DOP1A: variants seen among roughly 807,000 people sequenced by gnomAD.
DOP1A encodes the protein protein DOP1A.
In DOP1A, 90 loss-of-function variants were observed where a neutral mutation model predicts 267.6. The observed-to-expected ratio is 0.34, with a 90% CI of 0.28 to 0.40. DOP1A has a LOEUF of 0.40. Among genes scored for constraint, DOP1A ranks in the 10% least tolerant of loss-of-function variants. DOP1A has a pLI of 1.00. For synonymous variants in DOP1A, 932 were observed against 999.1 expected, an observed-to-expected ratio of 0.93 and a Z score of 1.27; for missense variants, 2,437 against 2,900.4, an observed-to-expected ratio of 0.84 and a Z score of 3.67.
intron 25 of DOP1A, among the ~76,000 whole-genome samples, chr6:83,146,593 T>C (rs1780688126): frequency 6.6e-6 from 1 of 152,168 alleles, no homozygotes; most frequent in Admixed American, 6.5e-5. Context: ...TGTCCCCTTA[T>C]TAAGTTCTGA....
chr6:83,091,306 A>G (rs554631116), intron 1 of DOP1A, among the ~76,000 whole-genome samples: 28 of 152,310 alleles, frequency 1.8e-4, no homozygotes, highest in Admixed American at 3.9e-4. Context: ...ATCTTTTCAC[A>G]TGAAAAGTAA....
rs1392338481 is a variant in DOP1A, at chr6:83,168,128, G to A, written c.7359G>A (p.Met2453Ile). Reference sequence around the variant, plus strand: ...AAGCCAGGCAAAAAATAGAAGAGATGGTAGAAAAAGATTTTCTGGAAGGGA... The same window carrying A: ...AAGCCAGGCAAAAAATAGAAGAGATAGTAGAAAAAGATTTTCTGGAAGGGA... The part of the protein sequence containing the change: ...SSKARQKIEE[M>I]VEKDFLEGMI... The change falls in exon 39 of 39, where the codon ATG becomes ATA. Residue 2453 changes from methionine (M) to isoleucine (I), a missense_variant. By Grantham distance (10) the Met-to-Ile change is conservative (BLOSUM62 1). Coordinates refer to ENST00000349129, the MANE Select transcript of DOP1A (RefSeq NM_015018.4). 6.2e-7 allele frequency: 1 copy of A among 1,612,912 alleles called. No homozygotes were observed. The highest frequency in any genetic ancestry group is 8.5e-7 in the Non-Finnish European group (1 of 1,179,652).
chr6:83,108,072 A>G (rs1773938894), intron 4 of DOP1A, among the ~76,000 whole-genome samples: 1 of 152,260 alleles, frequency 6.6e-6, no homozygotes, highest in Admixed American at 6.5e-5. Flanking sequence ...AGCTGCTTCT[A>G]GGTAGCTATC....
At chr6:83,114,007 G>A (rs1485740075) in intron 7 of DOP1A, among the ~76,000 whole-genome samples, 1 of 152,052 alleles carries the variant, frequency 6.6e-6, no homozygotes, top group Non-Finnish European at 1.5e-5. Context: ...CAGTATATAG[G>A]CATTCAGAAT....
Position 83,137,782 on chromosome 6 carries a change from C to T in DOP1A, c.3740C>T (p.Thr1247Ile). Reference protein sequence around the residue: ...SSPCISGTTHTLHDSSVASIE... With the variant: ...SSPCISGTTHILHDSSVASIE... ...CCTTGTATTTCAGGAACCACACACA[C>T]TCTTCATGACTCTTCTGTTGCTTCC... The change falls in exon 21 of 39, where the codon ACT becomes ATT. Residue 1247 changes from threonine (T) to isoleucine (I), a missense_variant. This residue lies in a region of DOP1A where 878 missense variants were observed against 992.9 expected (regional missense o/e 0.88). Transcript: ENST00000349129. 6.2e-7 allele frequency: 1 copy of T among 1,613,850 alleles called. No homozygotes were observed. The highest frequency in any genetic ancestry group is 8.5e-7 in the Non-Finnish European group (1 of 1,179,860).
chr6:83,167,882 CT>C lies in DOP1A; in HGVS notation c.7114del (p.Ser2372GlnfsTer63). 1 of 1,610,950 alleles carries C rather than the reference CT, an allele frequency of 6.2e-7. No homozygotes were observed. Among genetic ancestry groups the C allele is most frequent in the Non-Finnish European group, 8.5e-7 (1 of 1,177,902 alleles). On this transcript the variant is annotated frameshift_variant, in exon 39 of 39. Transcript: ENST00000349129. LOFTEE classifies it high-confidence loss of function. ...TGCAGAAAAATCCAGAGGAAGACAA[CT>C]CAGGGAGAACATTGGGTTGGGAGCC... ...RAKKNPEEDN[S>X]GRTLGWEPGH...
At chr6:83,110,811 A>G (rs747647181) in intron 6 of DOP1A, among the ~76,000 whole-genome samples, 1 of 152,188 alleles carries the variant, frequency 6.6e-6, no homozygotes, top group Non-Finnish European at 1.5e-5. Flanking sequence ...CTTTTTCTGC[A>G]TATGATTATG....
chr6:83,070,492 T>C (rs191238804), intron 1 of DOP1A, among the ~76,000 whole-genome samples: 1 of 152,298 alleles, frequency 6.6e-6, no homozygotes, highest in Non-Finnish European at 1.5e-5. Flanking sequence ...AGTGTACATT[T>C]CAATAAGTTT....
Position 83,122,026 on chromosome 6 carries a change from G to T in DOP1A, c.1196G>T (p.Ser399Ile), listed in dbSNP as rs775057852. The change falls in exon 11 of 39, where the codon AGC becomes ATC. Residue 399 changes from serine (S) to isoleucine (I), a missense_variant. Physicochemically the swap from Ser to Ile is moderately radical, Grantham distance 142 (BLOSUM62 -2). Around this residue, in one of 9 missense-constraint regions of DOP1A, gnomAD observed 498 missense variants for 513.5 expected, o/e 0.97. Transcript: ENST00000349129. ...GATCTTCAAACTGAACCACCCTTCA[G>T]CAAGGATCATGCTCAGTTAAGCAGG... ...ELDLQTEPPF[S>I]KDHAQLSSKL... 1.2e-6 allele frequency: 2 copies of T among 1,611,310 alleles called. No homozygotes were observed. Among genetic ancestry groups the T allele is most frequent in the South Asian group, 1.1e-5 (1 of 90,932 alleles).
intron 12 of DOP1A, among the ~76,000 whole-genome samples, chr6:83,123,847 G>GT (rs1776722921): frequency 6.6e-6 from 1 of 152,008 alleles, no homozygotes; most frequent in Non-Finnish European, 1.5e-5. Flanking sequence ...CCTACCCTGG[G>GT]TTTTTACCTT....
intron 34 of DOP1A, among the ~76,000 whole-genome samples, chr6:83,156,818 A>G (rs1782902655): frequency 6.6e-6 from 1 of 152,102 alleles, no homozygotes; most frequent in Admixed American, 6.5e-5. Context: ...AATGTACACT[A>G]TTTGTCCCTA....
chr6:83,069,232 C>G (rs1785207432), intron 1 of DOP1A, among the ~76,000 whole-genome samples: 1 of 152,120 alleles, frequency 6.6e-6, no homozygotes, highest in African/African-American at 2.4e-5. Context: ...ATGTTTCCCC[C>G]AGAACAGTGT....
chr6:83,087,321 T>C (rs1769452909), intron 1 of DOP1A, among the ~76,000 whole-genome samples: 1 of 152,208 alleles, frequency 6.6e-6, no homozygotes, highest in East Asian at 1.9e-4. Context: ...GTTAGGATAG[T>C]GTTGAGTACC....
At chr6:83,074,983 G>A (rs536796773) in intron 1 of DOP1A, among the ~76,000 whole-genome samples, 29 of 152,244 alleles carry the variant, frequency 1.9e-4, no homozygotes, top group African/African-American at 6.3e-4. Context: ...TCCTTTTCCT[G>A]GGCCCTCATC....
chr6:83,099,054 TGAGAA>T (rs1196030822), intron 3 of DOP1A, among the ~76,000 whole-genome samples: 2 of 151,764 alleles, frequency 1.3e-5, no homozygotes, highest in East Asian at 1.9e-4. Flanking sequence ...AAAAAGGAGA[TGAGAA>T]GAGGGCAGGA....
intron 15 of DOP1A, 49 bp downstream of exon 15, chr6:83,125,782 AG>A: frequency 6.8e-7 from 1 of 1,464,206 alleles, no homozygotes; most frequent in South Asian, 1.2e-5. Context: ...ATTTCTTCAA[AG>A]CAGAACAGTT....
intron 7 of DOP1A, 132 bp from the exon 8 acceptor site, chr6:83,118,756 T>G: frequency 1.8e-6 from 1 of 559,180 alleles, no homozygotes; most frequent in Non-Finnish European, 2.9e-6. Flanking sequence ...TAATATCCTG[T>G]GTTTGAAATA....
Position 83,137,695 on chromosome 6 carries a change from CTG to C in DOP1A, c.3657_3658del (p.Ser1220CysfsTer6). The C allele has an allele frequency of 6.2e-7, 1 of 1,613,540 alleles. No individual in the cohort carries two copies. Among genetic ancestry groups the C allele is most frequent in the Non-Finnish European group, 8.5e-7 (1 of 1,179,754 alleles). On this transcript the variant is annotated frameshift_variant, in exon 21 of 39. Transcript: ENST00000349129. LOFTEE classifies it high-confidence loss of function. ...AGTAATGAAAGTTCTCAGTTTCTGTCTGTGTCTGCAGAGGGAGGCCATGAGTG... is the reference window on the plus strand; with the variant it reads ...AGTAATGAAAGTTCTCAGTTTCTGTCTGTCTGCAGAGGGAGGCCATGAGTG...
intron 35 of DOP1A, among the ~76,000 whole-genome samples, chr6:83,158,281 G>A (rs1783315153): frequency 6.6e-6 from 1 of 152,080 alleles, no homozygotes; most frequent in Non-Finnish European, 1.5e-5. Context: ...GATTACAGGT[G>A]TGAGCCACCA....
Sources: allele counts gnomAD v4.1 joint callset (sites outside exome capture counted in the v4.1 genomes callset), GRCh38; gene constraint gnomAD v4.1.1; regional missense constraint gnomAD v4.1.1; transcripts MANE v1.5; gene names NCBI Gene and HGNC (gene_info 2026-07-23, HGNC 2026-07-21).